PRKD1: variants seen among roughly 807,000 people sequenced by gnomAD.
The protein encoded by PRKD1 is serine/threonine-protein kinase D1.
Under a neutral mutation model 95.9 loss-of-function variants are expected in PRKD1, and 63 were observed. That is an observed-to-expected ratio of 0.66 (90% CI 0.54 to 0.81). PRKD1 has a LOEUF of 0.81. Ranked by LOEUF, PRKD1 falls within the 30% of genes least tolerant of loss-of-function variation. The pLI, the probability that PRKD1 is intolerant of heterozygous loss-of-function variation, is 0.00. For missense variants in PRKD1, 1,048 were observed against 1,165.3 expected, an observed-to-expected ratio of 0.90 and a Z score of 1.47; for synonymous variants, 425 against 423.1, an observed-to-expected ratio of 1.00 and a Z score of -0.05.
intron 2 of PRKD1, among the ~76,000 whole-genome samples, chr14:29,671,867 T>C (rs2139235199): frequency 6.6e-6 from 1 of 152,262 alleles, no homozygotes; most frequent in African/African-American, 2.4e-5. Flanking sequence ...GAGTAATAAA[T>C]AAATTTTGCC....
intron 2 of PRKD1, among the ~76,000 whole-genome samples, chr14:29,688,359 C>T (rs1204291002): frequency 6.6e-6 from 1 of 152,064 alleles, no homozygotes; most frequent in African/African-American, 2.4e-5. Flanking sequence ...TCACAGTTTC[C>T]AGGATATAGA....
At chr14:29,850,854 A>G (rs1892280775) in intron 1 of PRKD1, among the ~76,000 whole-genome samples, 1 of 151,862 alleles carries the variant, frequency 6.6e-6, no homozygotes, top group Non-Finnish European at 1.5e-5. Flanking sequence ...TACAGTAACC[A>G]AAAAAAGCAC....
chr14:29,672,125 G>A (rs776804933), intron 2 of PRKD1, among the ~76,000 whole-genome samples: 2 of 152,016 alleles, frequency 1.3e-5, no homozygotes, highest in Admixed American at 6.5e-5. Flanking sequence ...GGCAGATCAC[G>A]AGGTCAGGAG....
intron 1 of PRKD1, among the ~76,000 whole-genome samples, chr14:29,774,720 G>A (rs1401542944): frequency 6.7e-6 from 1 of 150,200 alleles, no homozygotes; most frequent in Non-Finnish European, 1.5e-5. Flanking sequence ...ATTTAAAGAG[G>A]AGGAAACTAT....
At chr14:29,638,630 G>T in intron 5 of PRKD1, 64 bp from the exon 6 acceptor site, 1 of 1,612,202 alleles carries the variant, frequency 6.2e-7, no homozygotes, top group East Asian at 2.2e-5. Context: ...GTGGTAACCA[G>T]AAAATACTTA....
intron 1 of PRKD1, 147 bp from the exon 2 acceptor site, chr14:29,725,821 A>C: frequency 1.3e-6 from 1 of 795,830 alleles, no homozygotes; most frequent in Non-Finnish European, 1.8e-6. Context: ...AAATAAATAA[A>C]TGGTAGAGTT....
intron 13 of PRKD1, among the ~76,000 whole-genome samples, chr14:29,612,435 A>AT (rs1322055475): frequency 1.3e-5 from 2 of 152,170 alleles, no homozygotes; most frequent in East Asian, 3.9e-4. Flanking sequence ...GGAAATAATG[A>AT]TTTTTAAAAT....
At chr14:29,747,995 C>A (rs1392612687) in intron 1 of PRKD1, among the ~76,000 whole-genome samples, 1 of 152,170 alleles carries the variant, frequency 6.6e-6, no homozygotes, top group Non-Finnish European at 1.5e-5. Context: ...CCTCCCACCT[C>A]CGCCTCCCAA....
chr14:29,636,592 C>T (rs1880395965), intron 6 of PRKD1, 98 bp from the exon 7 acceptor site: 1 of 1,199,192 alleles, frequency 8.3e-7, no homozygotes, highest in Non-Finnish European at 1.2e-6. Context: ...ATTGGAAGCC[C>T]CAAAGAGGTA....
At chr14:29,682,507 C>T (rs912270189) in intron 2 of PRKD1, among the ~76,000 whole-genome samples, 2 of 152,132 alleles carry the variant, frequency 1.3e-5, no homozygotes, top group African/African-American at 4.8e-5. Flanking sequence ...TAACCTTCCC[C>T]GAATCCCACT....
rs533576046 is a variant in PRKD1 at position 29,728,478 on chromosome 14, A to G, written c.265-2804T>C. Among the ~76,000 whole-genome samples the G allele has an allele frequency of 5.3e-5, 8 of 152,294 alleles. No homozygotes were observed. The South Asian group carries it at 1.7e-3, about 32-fold the overall frequency. On this transcript the variant is annotated intron_variant, in intron 1 of 17. Coordinates refer to ENST00000331968, the MANE Select transcript of PRKD1 (RefSeq NM_002742.3). ...GCACAGATCTACTTTCTGTCACCCT[A>G]GTTTACCTTGTCTGACATAGAATTT...
At chr14:29,841,231 G>A (rs1267896832) in intron 1 of PRKD1, among the ~76,000 whole-genome samples, 2 of 152,224 alleles carry the variant, frequency 1.3e-5, no homozygotes, top group Non-Finnish European at 2.9e-5. Flanking sequence ...TGTCTCAGAT[G>A]AGACTTTGGA....
At chr14:29,654,086 T>C (rs1199511156) in intron 4 of PRKD1, among the ~76,000 whole-genome samples, 1 of 152,008 alleles carries the variant, frequency 6.6e-6, no homozygotes, top group Non-Finnish European at 1.5e-5. Context: ...ATAACTATTT[T>C]TTTTTTTAAA....
chr14:29,810,511 C>T (rs2139241435), intron 1 of PRKD1, among the ~76,000 whole-genome samples: 1 of 152,322 alleles, frequency 6.6e-6, no homozygotes, highest in Non-Finnish European at 1.5e-5. Flanking sequence ...TATCAGCATG[C>T]TCCTTTTTAT....
intron 1 of PRKD1, among the ~76,000 whole-genome samples, chr14:29,779,182 T>C (rs1474760138): frequency 2.0e-5 from 3 of 152,132 alleles, no homozygotes; most frequent in Non-Finnish European, 1.5e-5. Context: ...GGCAATATCA[T>C]ACTGAATGGG....
chr14:29,729,496 T>C (rs1886329024), intron 1 of PRKD1, among the ~76,000 whole-genome samples: 1 of 152,078 alleles, frequency 6.6e-6, no homozygotes, highest in Admixed American at 6.6e-5. Context: ...TTAATGACTA[T>C]CCAGTTTGTA....
chr14:29,775,615 C>T (rs1434664452), intron 1 of PRKD1, among the ~76,000 whole-genome samples: 1 of 152,174 alleles, frequency 6.6e-6, no homozygotes, highest in Non-Finnish European at 1.5e-5. Context: ...TCCACCATTG[C>T]TGAGGCTTGA....
At chr14:29,666,030 CAGG>C (rs773780210) in intron 3 of PRKD1, 44 bp downstream of exon 3, 1 of 1,534,924 alleles carries the variant, frequency 6.5e-7, no homozygotes, top group Admixed American at 1.8e-5. Flanking sequence ...GCGATAAACA[CAGG>C]AGAACAGCAC....
intron 4 of PRKD1, among the ~76,000 whole-genome samples, chr14:29,646,267 G>T (rs958100023): frequency 2.0e-5 from 3 of 151,996 alleles, no homozygotes; most frequent in African/African-American, 7.2e-5. Flanking sequence ...AGGAAGGAGG[G>T]ATGGTTAATG....
Sources: allele counts gnomAD v4.1 joint callset (sites outside exome capture counted in the v4.1 genomes callset), GRCh38; gene constraint gnomAD v4.1.1; transcripts MANE v1.5; gene names NCBI Gene and HGNC (gene_info 2026-07-23, HGNC 2026-07-21).